PIP4K2A: variants seen among roughly 807,000 people sequenced by gnomAD.
The protein encoded by PIP4K2A is phosphatidylinositol 5-phosphate 4-kinase type-2 alpha.
A neutral mutation model predicts 42.9 loss-of-function variants in PIP4K2A; 14 were observed. The ratio of observed to expected loss-of-function variants is 0.33; its 90% CI spans 0.22 to 0.51. The LOEUF (loss-of-function observed/expected upper bound fraction) is 0.51, where lower values mean the gene tolerates loss of function less well. PIP4K2A is among the 20% of genes least tolerant of loss of function. The probability of loss-of-function intolerance (pLI) is 0.97; values close to 1 mark genes in which losing one functional copy is unlikely to be tolerated. For missense variants in PIP4K2A, 434 were observed against 519.8 expected, an observed-to-expected ratio of 0.83 and a Z score of 1.61; for synonymous variants, 192 against 192.2, an observed-to-expected ratio of 1.00 and a Z score of 0.01.
chr10:22,578,589 T>C (rs749111256), intron 4 of PIP4K2A, among the ~76,000 whole-genome samples: 11 of 151,798 alleles, frequency 7.2e-5, no homozygotes, highest in Non-Finnish European at 1.5e-4. Context: ...GGCCCTGACC[T>C]AGATGTCCTC....
At chr10:22,544,199 C>T (rs1333059271) in intron 7 of PIP4K2A, among the ~76,000 whole-genome samples, 3 of 152,064 alleles carry the variant, frequency 2.0e-5, no homozygotes, top group Admixed American at 6.6e-5. Flanking sequence ...CATGGCACTG[C>T]TGTGATCATG....
At chr10:22,634,869 C>T (rs919398942) in intron 1 of PIP4K2A, among the ~76,000 whole-genome samples, 1 of 152,132 alleles carries the variant, frequency 6.6e-6, no homozygotes, top group Non-Finnish European at 1.5e-5. Context: ...CTTAAGTAAC[C>T]ACTAACCTTA....
At position 22,571,810 on chromosome 10, in the gene PIP4K2A, T is replaced by C. The variant is rs188585507; in HGVS notation, c.639+1501A>G. 2.8e-3 allele frequency among the ~76,000 whole-genome samples: 426 copies of C among 152,346 alleles called. 4 individuals are homozygous for C. Among genetic ancestry groups the C allele is most frequent in the African/African-American group, 9.9e-3 (411 of 41,574 alleles). On this transcript the variant is annotated intron_variant, in intron 5 of 9. Coordinates refer to ENST00000376573, the MANE Select transcript of PIP4K2A (RefSeq NM_005028.5). ...GTGAGTTCAGATTTTCTTCACATAC[T>C]TCAGCGGCATAACACCACACAGACT... is the stretch of plus-strand genomic sequence containing the variant.
chr10:22,599,876 C>A (rs1837714657), intron 3 of PIP4K2A, among the ~76,000 whole-genome samples: 1 of 152,146 alleles, frequency 6.6e-6, no homozygotes, highest in Non-Finnish European at 1.5e-5. Context: ...CTCTGTAATG[C>A]CTTTTTACAT....
intron 1 of PIP4K2A, among the ~76,000 whole-genome samples, chr10:22,664,514 C>T (rs1839312539): frequency 6.6e-6 from 1 of 150,806 alleles, no homozygotes. Flanking sequence ...CAATTTTTCT[C>T]CATTTTTTTC....
chr10:22,649,761 C>A (rs1838955032), intron 1 of PIP4K2A, among the ~76,000 whole-genome samples: 1 of 152,200 alleles, frequency 6.6e-6, no homozygotes, highest in Admixed American at 6.5e-5. Context: ...GATGGCCATA[C>A]CCACATCAGT....
chr10:22,612,375 C>G (rs1156310136), intron 1 of PIP4K2A, among the ~76,000 whole-genome samples: 1 of 152,204 alleles, frequency 6.6e-6, no homozygotes, highest in Non-Finnish European at 1.5e-5. Context: ...GCATGTGAGG[C>G]TTCCCTGGGC....
chr10:22,623,265 C>T (rs753035472), intron 1 of PIP4K2A, among the ~76,000 whole-genome samples: 4 of 151,946 alleles, frequency 2.6e-5, no homozygotes, highest in Admixed American at 6.5e-5. Context: ...TGTCTGGGGT[C>T]GGGGGTGAAG....
intron 2 of PIP4K2A, among the ~76,000 whole-genome samples, chr10:22,608,438 C>T (rs957302068): frequency 6.6e-6 from 1 of 152,190 alleles, no homozygotes; most frequent in Admixed American, 6.5e-5. Context: ...CCCTCACCCC[C>T]CTAAAAGGCC....
chr10:22,680,871 C>A (rs1254233658), intron 1 of PIP4K2A, among the ~76,000 whole-genome samples: 1 of 152,192 alleles, frequency 6.6e-6, no homozygotes, highest in Non-Finnish European at 1.5e-5. Context: ...TAGATTCCAA[C>A]TTGACCCCAA....
chr10:22,577,546 C>T (rs905409867), intron 4 of PIP4K2A, among the ~76,000 whole-genome samples: 1 of 152,222 alleles, frequency 6.6e-6, no homozygotes, highest in South Asian at 2.1e-4. Context: ...CAGATGCTGA[C>T]ACCATGCTTC....
At chr10:22,541,625 A>G (rs905218017) in intron 8 of PIP4K2A, among the ~76,000 whole-genome samples, 179 bp downstream of exon 8, 11 of 152,182 alleles carry the variant, frequency 7.2e-5, no homozygotes, top group African/African-American at 2.7e-4. Context: ...CTTATGTTTC[A>G]GCACTGAGAT....
At chr10:22,657,390 T>C (rs1276457964) in intron 1 of PIP4K2A, among the ~76,000 whole-genome samples, 7 of 152,236 alleles carry the variant, frequency 4.6e-5, no homozygotes, top group Admixed American at 4.6e-4. Context: ...TCAAAAGGTA[T>C]TCCATATTTC....
chr10:22,631,937 G>A (rs1244360815), intron 1 of PIP4K2A, among the ~76,000 whole-genome samples: 1 of 152,204 alleles, frequency 6.6e-6, no homozygotes, highest in East Asian at 1.9e-4. Context: ...CAGCTTCAGT[G>A]ATGAGATCAG....
chr10:22,641,363 G>A (rs770533878), intron 1 of PIP4K2A, among the ~76,000 whole-genome samples: 2 of 152,154 alleles, frequency 1.3e-5, no homozygotes, highest in Admixed American at 6.5e-5. Context: ...ACATTAACAC[G>A]CTGACATTGA....
At chr10:22,562,104 GT>G (rs1836721541) in intron 6 of PIP4K2A, among the ~76,000 whole-genome samples, 1 of 152,208 alleles carries the variant, frequency 6.6e-6, no homozygotes, top group East Asian at 1.9e-4. Context: ...ATAAAAAGGA[GT>G]ATTTATGATT....
intron 1 of PIP4K2A, among the ~76,000 whole-genome samples, chr10:22,693,673 G>A (rs1020055861): frequency 5.3e-5 from 8 of 152,124 alleles, no homozygotes; most frequent in Admixed American, 2.0e-4. Flanking sequence ...CTTAGTCATC[G>A]ACACACTACC....
intron 1 of PIP4K2A, chr10:22,694,439 T>G (rs1839930588): frequency 1.3e-5 from 2 of 152,172 alleles, no homozygotes; most frequent in Non-Finnish European, 2.9e-5. Flanking sequence ...AGTAATGAGG[T>G]GGGGCGTGAC....
At chr10:22,549,936 G>A (rs1004281969) in intron 7 of PIP4K2A, among the ~76,000 whole-genome samples, 1 of 146,650 alleles carries the variant, frequency 6.8e-6, no homozygotes, top group South Asian at 2.2e-4. Flanking sequence ...CTTAAATAAT[G>A]AGCAAATCCA....
Sources: gnomAD v4.1 joint callset for allele counts (sites outside exome capture counted in the v4.1 genomes callset) on GRCh38, gnomAD v4.1.1 for gene constraint, MANE v1.5 for transcripts, NCBI Gene and HGNC (gene_info 2026-07-23, HGNC 2026-07-21) for gene names.